TMEM117: variants seen among roughly 807,000 people sequenced by gnomAD.
TMEM117 encodes transmembrane protein 117.
In TMEM117, 27 loss-of-function variants were observed where a neutral mutation model predicts 52.4. That is an observed-to-expected ratio of 0.51 (90% CI 0.38 to 0.71). The LOEUF (loss-of-function observed/expected upper bound fraction) is 0.71, where lower values mean the gene tolerates loss of function less well. TMEM117 is among the 30% of genes least tolerant of loss of function. The pLI, the probability that TMEM117 is intolerant of heterozygous loss-of-function variation, is 0.00. For synonymous variants in TMEM117, 215 were observed against 206.3 expected (o/e 1.04, Z -0.36); for missense variants, 556 against 630.5 (o/e 0.88, Z 1.26).
Position 44,388,669 on chromosome 12 carries a change from C to G in TMEM117, c.1542C>G (p.Asn514Lys), listed in dbSNP as rs140827345. 1 of 1,612,444 alleles carries G rather than the reference C, an allele frequency of 6.2e-7. No homozygotes were observed. Among genetic ancestry groups the G allele is most frequent in the Non-Finnish European group, 8.5e-7 (1 of 1,178,960 alleles). Reference protein sequence around the residue: ...DPTTSKSTPTN With the variant: ...DPTTSKSTPTK ...CGACTTCTAAAAGTACACCTACGAA[C>G]TAGACTCGGAGATAGACTTGGAGAT... Residue 514 changes from asparagine (N) to lysine (K), a missense_variant, in exon 8 of 8, where the codon AAC becomes AAG. Around this residue, in one of 3 missense-constraint regions of TMEM117, gnomAD observed 206 missense variants for 211.1 expected, o/e 0.98. Transcript: ENST00000266534.
At chr12:44,286,302 A>G (rs911199119) in intron 5 of TMEM117, among the ~76,000 whole-genome samples, 1 of 150,690 alleles carries the variant, frequency 6.6e-6, no homozygotes, top group African/African-American at 2.4e-5. Flanking sequence ...ATGTATTAAA[A>G]CAGTTTTATA....
At chr12:43,813,231 G>GTTGTTTTTTTTTTTTTTTTTT in the TMEM117 span, among the ~76,000 whole-genome samples, 1 of 62,618 alleles carries the variant, frequency 1.6e-5, no homozygotes, top group African/African-American at 5.9e-5. Flanking sequence ...GTTTTCTCTT[G>GTTGTTTTTTTTTTTTTTTTTT]TTTTTTTTTT....
chr12:43,934,548 T>C lies in TMEM117; in HGVS notation c.278-9662T>C, dbSNP rs557751175. On this transcript the variant is annotated intron_variant, in intron 2 of 7. Transcript: ENST00000266534. The stretch of plus-strand genomic sequence containing the variant: ...CTTTAGTTAAATTGACATTAAACTT[T>C]AGATCTGAACACACTATTATTCATG... 2.0e-5 allele frequency among the ~76,000 whole-genome samples: 3 copies of C among 152,340 alleles called. No homozygotes were observed. The South Asian group carries it at 6.2e-4, about 32-fold the overall frequency.
intron 7 of TMEM117, among the ~76,000 whole-genome samples, chr12:44,381,842 A>G (rs1008690780): frequency 2.0e-5 from 3 of 152,094 alleles, no homozygotes; most frequent in Non-Finnish European, 2.9e-5. Flanking sequence ...TCCTGTATGA[A>G]TCAGGCCATG....
intron 5 of TMEM117, among the ~76,000 whole-genome samples, chr12:44,254,139 A>C (rs996281892): frequency 1.3e-5 from 2 of 152,062 alleles, no homozygotes; most frequent in African/African-American, 4.8e-5. Context: ...GAACTGTAAA[A>C]GATTTCTAAG....
intron 5 of TMEM117, among the ~76,000 whole-genome samples, chr12:44,288,138 C>T (rs1238122163): frequency 6.6e-6 from 1 of 151,634 alleles, no homozygotes; most frequent in Non-Finnish European, 1.5e-5. Context: ...AGAAGTGGCT[C>T]AGAAAAACAA....
intron 3 of TMEM117, among the ~76,000 whole-genome samples, chr12:43,959,763 T>G (rs1945372144): frequency 1.3e-5 from 2 of 152,208 alleles, no homozygotes; most frequent in African/African-American, 4.8e-5. Context: ...GGAGGTGGTA[T>G]TTGTTTAATT....
intron 5 of TMEM117, among the ~76,000 whole-genome samples, chr12:44,237,674 A>G (rs1316012671): frequency 6.6e-6 from 1 of 151,962 alleles, no homozygotes; most frequent in African/African-American, 2.4e-5. Flanking sequence ...CCGAGATCCC[A>G]CCACCGCACT....
chr12:44,124,268 T>G (rs6582499), intron 3 of TMEM117, among the ~76,000 whole-genome samples: 38,077 of 152,136 alleles, frequency 0.25, 8,449 homozygotes, highest in African/African-American at 0.6. Context: ...CTGAGACTTT[T>G]CTGAAGTTGC....
intron 5 of TMEM117, among the ~76,000 whole-genome samples, chr12:44,297,273 T>G (rs1417149999): frequency 6.6e-6 from 1 of 152,212 alleles, no homozygotes; most frequent in Non-Finnish European, 1.5e-5. Context: ...GAAGTAATAT[T>G]AGAGTATTAA....
At chr12:44,258,811 T>C (rs1218373387) in intron 5 of TMEM117, among the ~76,000 whole-genome samples, 5 of 152,124 alleles carry the variant, frequency 3.3e-5, no homozygotes, top group Non-Finnish European at 7.4e-5. Flanking sequence ...GAGATGAATA[T>C]TGATGAATTC....
chr12:44,351,849 C>T (rs935366261), intron 6 of TMEM117, among the ~76,000 whole-genome samples: 1 of 151,884 alleles, frequency 6.6e-6, no homozygotes, highest in Non-Finnish European at 1.5e-5. Flanking sequence ...GACAACTCTT[C>T]CTGAGTGATT....
intron 3 of TMEM117, among the ~76,000 whole-genome samples, chr12:44,006,934 C>T (rs1164960559): frequency 6.6e-6 from 1 of 152,148 alleles, no homozygotes. Context: ...CTTCTAAGGT[C>T]AAGTTTTACA....
At chr12:44,306,151 A>T (rs1299931842) in intron 6 of TMEM117, among the ~76,000 whole-genome samples, 1 of 152,136 alleles carries the variant, frequency 6.6e-6, no homozygotes, top group Non-Finnish European at 1.5e-5. Flanking sequence ...AGGGGAATGG[A>T]CCGAAAAACT....
In TMEM117 at chr12:44,227,242, G is replaced by A. The variant is rs1005289077; in HGVS notation, c.608+15855G>A. 2.0e-5 allele frequency among the ~76,000 whole-genome samples: 3 copies of A among 152,114 alleles called. No homozygotes were observed. The East Asian group carries it at 5.8e-4, about 29-fold the overall frequency. ...ATTCACCCTGCTTTGGGAGTCCAAG[G>A]CAGGCAGATTGCTTGTGCTCAGGAG... On this transcript the variant is annotated intron_variant, in intron 5 of 7. Coordinates refer to ENST00000266534, the MANE Select transcript of TMEM117 (RefSeq NM_032256.3).
intron 3 of TMEM117, among the ~76,000 whole-genome samples, chr12:44,129,937 T>C (rs1948387366): frequency 6.6e-6 from 1 of 152,234 alleles, no homozygotes; most frequent in Non-Finnish European, 1.5e-5. Context: ...TTTTTTACCT[T>C]GCCCTTGTTC....
At chr12:43,813,231 G>GTTTTTTTTTTTTTTTTTTTTTTTTT in the TMEM117 span, among the ~76,000 whole-genome samples, 2 of 62,666 alleles carry the variant, frequency 3.2e-5, no homozygotes, top group Non-Finnish European at 6.3e-5. Flanking sequence ...GTTTTCTCTT[G>GTTTTTTTTTTTTTTTTTTTTTTTTT]TTTTTTTTTT....
intron 3 of TMEM117, among the ~76,000 whole-genome samples, chr12:44,013,028 CTT>C (rs112180367): frequency 2.0e-4 from 29 of 141,658 alleles, no homozygotes; most frequent in Non-Finnish European, 1.9e-4. Context: ...TTCTTTCTTG[CTT>C]TTTTTTTTTT....
intron 3 of TMEM117, among the ~76,000 whole-genome samples, chr12:44,114,286 T>G (rs1948095184): frequency 6.6e-6 from 1 of 152,200 alleles, no homozygotes. Context: ...AATGACAACT[T>G]TTTACTCCTT....
Sources: gnomAD v4.1 joint callset for allele counts (sites outside exome capture counted in the v4.1 genomes callset) on GRCh38, gnomAD v4.1.1 for gene constraint, gnomAD v4.1.1 regional missense constraint, MANE v1.5 for transcripts, NCBI Gene and HGNC (gene_info 2026-07-23, HGNC 2026-07-21) for gene names.